TLK1: variants seen among roughly 807,000 people sequenced by gnomAD.
TLK1 encodes the protein tousled like kinase 1.
A neutral mutation model predicts 105.3 loss-of-function variants in TLK1; 24 were observed. The observed-to-expected ratio is 0.23, with a 90% CI of 0.17 to 0.32. The LOEUF is 0.32. TLK1 is among the 10% of genes least tolerant of loss of function. The pLI is 1.00. For missense variants in TLK1, 558 were observed against 910.5 expected, an observed-to-expected ratio of 0.61 and a Z score of 4.98; for synonymous variants, 321 against 310.4, an observed-to-expected ratio of 1.03 and a Z score of -0.36.
chr2:171,107,394 A>G (rs114588411), intron 2 of TLK1, among the ~76,000 whole-genome samples: 4 of 152,228 alleles, frequency 2.6e-5, no homozygotes, highest in African/African-American at 9.7e-5. Flanking sequence ...ACTAAATGTA[A>G]ATGTCCAATG....
intron 2 of TLK1, among the ~76,000 whole-genome samples, chr2:171,095,292 T>A (rs545380623): frequency 2.0e-5 from 3 of 146,792 alleles, no homozygotes; most frequent in South Asian, 2.2e-4. Context: ...ACAAATGAAA[T>A]AGAGAATAGA....
chr2:171,114,945 T>C (rs141979656), intron 2 of TLK1, among the ~76,000 whole-genome samples: 1,699 of 152,284 alleles, frequency 0.011, 35 homozygotes, highest in African/African-American at 0.039. Flanking sequence ...TTTTAGCCCA[T>C]AAAACTAGTA....
At chr2:171,110,383 C>T (rs749549068) in intron 2 of TLK1, among the ~76,000 whole-genome samples, 12 of 152,158 alleles carry the variant, frequency 7.9e-5, no homozygotes, top group Non-Finnish European at 1.3e-4. Flanking sequence ...GCAGAAGAAT[C>T]GCTTGAACCT....
At chr2:171,012,479 T>A (rs1175759609) in intron 13 of TLK1, among the ~76,000 whole-genome samples, 1 of 152,092 alleles carries the variant, frequency 6.6e-6, no homozygotes. Flanking sequence ...GTATTTTTAT[T>A]TATTTATTTA....
chr2:171,227,540 A>C (rs991527925), intron 1 of TLK1, among the ~76,000 whole-genome samples: 1 of 125,744 alleles, frequency 8.0e-6, no homozygotes, highest in African/African-American at 3.0e-5. Context: ...TTTCATTTAC[A>C]TGAGTTAGTC....
At chr2:171,193,360 T>A (rs982775289) in intron 1 of TLK1, among the ~76,000 whole-genome samples, 3 of 151,940 alleles carry the variant, frequency 2.0e-5, no homozygotes, top group African/African-American at 7.3e-5. Context: ...TAGTGACTGT[T>A]AATTTTTTTT....
At chr2:171,090,401 A>G (rs10930457) in intron 2 of TLK1, among the ~76,000 whole-genome samples, 59,230 of 151,908 alleles carry the variant, frequency 0.39, 12,911 homozygotes, top group African/African-American at 0.57. Context: ...TTTTCTCTAG[A>G]TCATAATCAT....
chr2:171,013,306 C>A (rs1186315568), intron 13 of TLK1, among the ~76,000 whole-genome samples: 2 of 149,856 alleles, frequency 1.3e-5, no homozygotes, highest in Non-Finnish European at 3.0e-5. Flanking sequence ...AGCTACCACA[C>A]CTGGCCCCTC....
At chr2:171,028,751 T>G (rs995467388) in intron 11 of TLK1, among the ~76,000 whole-genome samples, 1 of 152,194 alleles carries the variant, frequency 6.6e-6, no homozygotes, top group Non-Finnish European at 1.5e-5. Context: ...ATTCTAAGGA[T>G]ACAGTGAAAA....
At chr2:171,047,299 C>T in intron 10 of TLK1, among the ~76,000 whole-genome samples, 1 of 152,096 alleles carries the variant, frequency 6.6e-6, no homozygotes, top group East Asian at 1.9e-4. Flanking sequence ...CTTATTCTAA[C>T]AGTAACCATG....
chr2:171,152,575 A>T (rs188330261), intron 1 of TLK1, among the ~76,000 whole-genome samples: 7 of 152,278 alleles, frequency 4.6e-5, no homozygotes, highest in Admixed American at 2.6e-4. Flanking sequence ...GTATTTTTTT[A>T]AAATACTTTT....
At chr2:171,003,272 T>C (rs1166028328) in intron 18 of TLK1, among the ~76,000 whole-genome samples, 1 of 14,322 alleles carries the variant, frequency 7.0e-5, no homozygotes, top group Non-Finnish European at 1.1e-4. Flanking sequence ...AGACTCCGTC[T>C]CAAAAAAAAA....
At chr2:171,112,792 T>C (rs1314907007) in intron 2 of TLK1, among the ~76,000 whole-genome samples, 18 of 151,770 alleles carry the variant, frequency 1.2e-4, no homozygotes, top group Admixed American at 1.2e-3. Flanking sequence ...CTAGAAAATA[T>C]AATTAAAAAA....
rs144550135 is a variant in TLK1, at chr2:171,152,518, ATTGTTG to A, written c.139+7766_139+7771del. Among the ~76,000 whole-genome samples the A allele has an allele frequency of 3.2e-4, 49 of 151,840 alleles. No individual in the cohort carries two copies. The East Asian group carries it at 3.5e-3, about 11-fold the overall frequency. On this transcript the variant is annotated intron_variant, in intron 1 of 20. Coordinates refer to ENST00000431350, the MANE Select transcript of TLK1 (RefSeq NM_012290.5). ...AATACATGCTACCAAAGGTTTTGTT[ATTGTTG>A]TTGTTGTTGTTGTTGTTAGCAATAA...
At chr2:171,119,134 T>G (rs1192291856) in intron 1 of TLK1, among the ~76,000 whole-genome samples, 1 of 152,206 alleles carries the variant, frequency 6.6e-6, no homozygotes, top group South Asian at 2.1e-4. Flanking sequence ...CCCTCACTTA[T>G]GTCTTTTTAG....
intron 3 of TLK1, chr2:171,066,923 C>T (rs1328518543): frequency 1.3e-6 from 2 of 1,546,422 alleles, no homozygotes; most frequent in Non-Finnish European, 8.7e-7. Flanking sequence ...GGAAGTAACA[C>T]TTTCAGATAA....
At chr2:171,135,808 A>G (rs1691295749) in intron 1 of TLK1, among the ~76,000 whole-genome samples, 1 of 152,154 alleles carries the variant, frequency 6.6e-6, no homozygotes, top group African/African-American at 2.4e-5. Flanking sequence ...AAGATGCTCA[A>G]CACCACTAAT....
intron 1 of TLK1, among the ~76,000 whole-genome samples, chr2:171,176,824 G>A (rs1460168297): frequency 1.3e-5 from 2 of 151,594 alleles, no homozygotes; most frequent in Non-Finnish European, 2.9e-5. Flanking sequence ...CACCTCATCG[G>A]CCTATTTTTT....
At chr2:171,087,467 T>C (rs549623469) in intron 2 of TLK1, among the ~76,000 whole-genome samples, 128 of 152,082 alleles carry the variant, frequency 8.4e-4, no homozygotes, top group South Asian at 5.0e-3. Context: ...TATTGAAAAA[T>C]AGTGTCTGTT....
Sources: allele counts gnomAD v4.1 joint callset (sites outside exome capture counted in the v4.1 genomes callset), GRCh38; gene constraint gnomAD v4.1.1; transcripts MANE v1.5; gene names NCBI Gene and HGNC (gene_info 2026-07-23, HGNC 2026-07-21).